COP1: variants seen among roughly 807,000 people sequenced by gnomAD.
COP1 encodes COP1 E3 ubiquitin ligase.
COP1 carries 24 observed loss-of-function variants against 101.3 expected under a neutral mutation model. That is an observed-to-expected ratio of 0.24 (90% CI 0.17 to 0.33). COP1 has a LOEUF of 0.33. Among genes scored for constraint, COP1 ranks in the 10% least tolerant of loss-of-function variants. The probability of loss-of-function intolerance (pLI) is 1.00; values close to 1 mark genes in which losing one functional copy is unlikely to be tolerated. For missense variants in COP1, 663 were observed against 906.2 expected, an observed-to-expected ratio of 0.73 and a Z score of 3.45; for synonymous variants, 347 against 341.9, an observed-to-expected ratio of 1.01 and a Z score of -0.17.
intron 15 of COP1, among the ~76,000 whole-genome samples, chr1:175,999,807 T>G (rs1571540719): frequency 6.6e-6 from 1 of 152,146 alleles, no homozygotes; most frequent in African/African-American, 2.4e-5. Flanking sequence ...TCATTTTAAC[T>G]GGGGTGAGAT....
intron 11 of COP1, among the ~76,000 whole-genome samples, chr1:176,068,567 C>A (rs1238729750): frequency 6.6e-6 from 1 of 152,182 alleles, no homozygotes. Flanking sequence ...GGTCTCATTT[C>A]ATCTTATTTA....
intron 5 of COP1, among the ~76,000 whole-genome samples, chr1:176,150,625 A>T (rs1039860017): frequency 6.6e-6 from 1 of 152,242 alleles, no homozygotes; most frequent in Non-Finnish European, 1.5e-5. Context: ...AAAAAGTAAC[A>T]ACTTTATACA....
intron 15 of COP1, among the ~76,000 whole-genome samples, chr1:176,006,157 A>T (rs1182013281): frequency 3.9e-5 from 6 of 151,978 alleles, no homozygotes; most frequent in Non-Finnish European, 8.8e-5. Context: ...TTTATCAGAG[A>T]CTAGGATTGC....
At chr1:176,140,814 C>T (rs1690562948) in intron 6 of COP1, among the ~76,000 whole-genome samples, 2 of 152,068 alleles carry the variant, frequency 1.3e-5, no homozygotes, top group Admixed American at 6.6e-5. Flanking sequence ...TTTGGTGCCA[C>T]TTAGAAAAAT....
intron 9 of COP1, among the ~76,000 whole-genome samples, chr1:176,094,070 A>G (rs1466639881): frequency 6.6e-6 from 1 of 151,984 alleles, no homozygotes; most frequent in African/African-American, 2.4e-5. Flanking sequence ...GGAAAAACAG[A>G]TAAGACTTCA....
intron 15 of COP1, among the ~76,000 whole-genome samples, chr1:175,992,768 C>A (rs1658927597): frequency 6.6e-6 from 1 of 152,202 alleles, no homozygotes; most frequent in African/African-American, 2.4e-5. Context: ...TGGAGCCCAC[C>A]ACAGCTCAAG....
At chr1:175,980,431 A>G (rs962146206) in intron 18 of COP1, among the ~76,000 whole-genome samples, 5 of 152,204 alleles carry the variant, frequency 3.3e-5, no homozygotes. Flanking sequence ...AAGTTTTGTT[A>G]GAAATTAGAG....
At chr1:175,999,008 A>G (rs927035053) in intron 15 of COP1, among the ~76,000 whole-genome samples, 1 of 152,194 alleles carries the variant, frequency 6.6e-6, no homozygotes, top group Admixed American at 6.6e-5. Context: ...ATGACTCTCT[A>G]TTTTGTTTTA....
At position 176,090,256 on chromosome 1, in the gene COP1, A is replaced by G. The variant is rs188060659; in HGVS notation, c.1027-4366T>C. On this transcript the variant is annotated intron_variant, in intron 9 of 19. Transcript: ENST00000367669. ...CTGCCTTTCCAGATCGAATCAATGT[A>G]AACTTCCTAAGTAATGACAGGTGTC... Among the ~76,000 whole-genome samples the G allele has an allele frequency of 2.3e-3, 354 of 152,234 alleles. 7 individuals carry two copies. The highest frequency in any genetic ancestry group is 0.019 in the Admixed American group (298 of 15,290).
At chr1:175,994,621 A>G (rs1046584548) in intron 15 of COP1, among the ~76,000 whole-genome samples, 2 of 152,178 alleles carry the variant, frequency 1.3e-5, no homozygotes, top group African/African-American at 4.8e-5. Context: ...CAGACTTTAA[A>G]CCAACAAAGA....
At chr1:176,042,753 A>G (rs1404359834) in intron 14 of COP1, among the ~76,000 whole-genome samples, 27 of 95,128 alleles carry the variant, frequency 2.8e-4, no homozygotes, top group Non-Finnish European at 4.9e-4. Context: ...AAAAAAAAAA[A>G]GTGGCTCACA....
At chr1:176,121,062 A>G (rs1203242904) in intron 8 of COP1, among the ~76,000 whole-genome samples, 13 of 151,836 alleles carry the variant, frequency 8.6e-5, no homozygotes. Flanking sequence ...TTTTGCTATA[A>G]ACGTAAAAGA....
chr1:176,159,030 T>C (rs1285672814), intron 5 of COP1, among the ~76,000 whole-genome samples: 4 of 152,024 alleles, frequency 2.6e-5, no homozygotes, highest in Non-Finnish European at 4.4e-5. Flanking sequence ...AAGCAACCAC[T>C]AAAAAGACAA....
chr1:176,004,387 T>C (rs1303554881), intron 15 of COP1, among the ~76,000 whole-genome samples: 10 of 129,828 alleles, frequency 7.7e-5, no homozygotes, highest in Middle Eastern at 3.5e-3. Context: ...TCCAACACTA[T>C]GTTGAAGAGG....
chr1:176,078,090 C>A (rs990538534), intron 11 of COP1, among the ~76,000 whole-genome samples: 16 of 152,128 alleles, frequency 1.1e-4, no homozygotes, highest in African/African-American at 3.9e-4. Flanking sequence ...TTTACAGATC[C>A]AATGTTATCC....
chr1:176,181,841 CA>C (rs559971333), intron 2 of COP1, among the ~76,000 whole-genome samples: 20 of 139,378 alleles, frequency 1.4e-4, no homozygotes, highest in South Asian at 2.3e-4. Context: ...GACTCCATCT[CA>C]AAAAAAAAAA....
intron 18 of COP1, among the ~76,000 whole-genome samples, chr1:175,974,288 A>G (rs1455602734): frequency 1.3e-5 from 2 of 152,236 alleles, no homozygotes; most frequent in East Asian, 3.8e-4. Flanking sequence ...AGATACATAC[A>G]TACTGGTTTT....
intron 18 of COP1, among the ~76,000 whole-genome samples, chr1:175,963,808 G>A (rs1651675599): frequency 6.6e-6 from 1 of 152,008 alleles, no homozygotes; most frequent in African/African-American, 2.4e-5. Context: ...AATTTCAGGG[G>A]TAATGATCTT....
At chr1:176,048,130 C>T (rs1420808098) in intron 11 of COP1, among the ~76,000 whole-genome samples, 1 of 151,842 alleles carries the variant, frequency 6.6e-6, no homozygotes, top group Non-Finnish European at 1.5e-5. Flanking sequence ...CATTGATACG[C>T]CCACTTTTCT....
Sources: allele counts gnomAD v4.1 joint callset (sites outside exome capture counted in the v4.1 genomes callset), GRCh38; gene constraint gnomAD v4.1.1; transcripts MANE v1.5; gene names NCBI Gene and HGNC (gene_info 2026-07-23, HGNC 2026-07-21).